VPS45: variants seen among roughly 807,000 people sequenced by gnomAD.
VPS45 encodes vacuolar protein sorting-associated protein 45.
Under a neutral mutation model 75.9 loss-of-function variants are expected in VPS45, and 35 were observed. That is an observed-to-expected ratio of 0.46 (90% CI 0.35 to 0.61). VPS45 has a LOEUF of 0.61. VPS45 is among the 20% of genes least tolerant of loss of function. The pLI is 0.00. For missense variants in VPS45, 559 were observed against 685.9 expected (o/e 0.81, Z 2.07); for synonymous variants, 220 against 238.2 (o/e 0.92, Z 0.70).
intron 9 of VPS45, 128 bp from the exon 10 acceptor site, chr1:150,082,586 TGG>T: frequency 9.0e-7 from 1 of 1,107,384 alleles, no homozygotes; most frequent in Non-Finnish European, 1.3e-6. Context: ...AAATGCCATG[TGG>T]CTGAAAGTTG....
intron 7 of VPS45, among the ~76,000 whole-genome samples, chr1:150,080,262 A>G (rs1571829587): frequency 6.6e-6 from 1 of 151,644 alleles, no homozygotes; most frequent in Middle Eastern, 3.4e-3. Flanking sequence ...TCCCTGCCTC[A>G]GCCTCCTGAG....
At chr1:150,136,542 C>T (rs1256853926) in intron 14 of VPS45, among the ~76,000 whole-genome samples, 3 of 151,620 alleles carry the variant, frequency 2.0e-5, no homozygotes, top group Non-Finnish European at 2.9e-5. Flanking sequence ...ACAACGAGAG[C>T]GAAACTCCAT....
At chr1:150,081,571 A>G in intron 8 of VPS45, 95 bp downstream of exon 8, 1 of 1,387,738 alleles carries the variant, frequency 7.2e-7, no homozygotes, top group South Asian at 1.3e-5. Context: ...ATGGGATTTC[A>G]TGTGAAAGGA....
chr1:150,143,921 G>A (rs781951522), intron 14 of VPS45, among the ~76,000 whole-genome samples: 77 of 152,064 alleles, frequency 5.1e-4, no homozygotes, highest in Admixed American at 1.0e-3. Flanking sequence ...GTTTGACAGG[G>A]CCGCATGCAT....
At position 150,081,919 on chromosome 1, in the gene VPS45, T is replaced by C; in HGVS notation, c.858T>C (p.Asn286=). The change falls in exon 9 of 15, where the codon AAT becomes AAC. Residue 286 remains asparagine (N), a synonymous_variant. Transcript: ENST00000644510. ...TGAACTTTGCTGAGATTGGTAGCAA[T>C]ATAAAGAATCTCATGGAAGATTTTC... ...MYLNFAEIGS[N]IKNLMEDFQK... The C allele has an allele frequency of 6.2e-7, 1 of 1,613,432 alleles. No homozygotes were observed. Among genetic ancestry groups the C allele is most frequent in the Non-Finnish European group, 8.5e-7 (1 of 1,179,690 alleles).
intron 10 of VPS45, among the ~76,000 whole-genome samples, chr1:150,084,351 T>G (rs1343383479): frequency 6.6e-6 from 1 of 151,964 alleles, no homozygotes; most frequent in Non-Finnish European, 1.5e-5. Context: ...TAAGGATGCT[T>G]TAGAGGTGAA....
At chr1:150,092,262 G>A (rs782558312) in intron 11 of VPS45, 40 bp from the exon 12 acceptor site, 37 of 1,589,460 alleles carry the variant, frequency 2.3e-5, no homozygotes, top group Non-Finnish European at 2.9e-5. Flanking sequence ...TGGGCTTCCT[G>A]ATGCCTAAGC....
At chr1:150,102,496 C>T (rs1328839213) in intron 13 of VPS45, among the ~76,000 whole-genome samples, 1 of 149,624 alleles carries the variant, frequency 6.7e-6, no homozygotes, top group Non-Finnish European at 1.5e-5. Context: ...TTGTGGTGAC[C>T]CAAGATTGTG....
chr1:150,123,635 G>A (rs2039800), intron 14 of VPS45, among the ~76,000 whole-genome samples: 39,202 of 152,010 alleles, frequency 0.26, 7,515 homozygotes, highest in African/African-American at 0.54. Context: ...TTCACAGGTC[G>A]ATCAATATTA....
Position 150,144,968 on chromosome 1 carries a change from C to T in VPS45, c.*172C>T. On this transcript the variant is annotated 3_prime_UTR_variant, in exon 15 of 15. Transcript: ENST00000644510. ...CAGACACAAGACTCCCAGAGTTGTCCTAACAATAAGTCTGAGCCCATCTCA... is the reference window on the plus strand; with the variant it reads ...CAGACACAAGACTCCCAGAGTTGTCTTAACAATAAGTCTGAGCCCATCTCA... 6.6e-7 allele frequency: 1 copy of T among 1,521,144 alleles called. No homozygotes were observed. The highest frequency in any genetic ancestry group is 1.4e-5 in the African/African-American group (1 of 72,784). 94.2% of individuals were successfully genotyped at this position (1,521,144 alleles called of 1,614,324 possible). A position where few individuals can be genotyped will look rare whatever the true frequency, so the allele number is the denominator to read the frequency against.
intron 14 of VPS45, among the ~76,000 whole-genome samples, chr1:150,120,341 T>C (rs1553809332): frequency 6.6e-6 from 1 of 152,202 alleles, no homozygotes; most frequent in Admixed American, 6.5e-5. Context: ...CAAGATCACT[T>C]TTACTGTAAA....
Position 150,144,932 on chromosome 1 carries a change from C to T in VPS45, c.*136C>T, listed in dbSNP as rs1472951346. ...CTCATCTCCAGGTAGCCCACGGATACGTGGTTGGCACAGACACAAGACTCC... is the reference window on the plus strand; with the variant it reads ...CTCATCTCCAGGTAGCCCACGGATATGTGGTTGGCACAGACACAAGACTCC... On this transcript the variant is annotated 3_prime_UTR_variant, in exon 15 of 15. Coordinates refer to ENST00000644510, the MANE Select transcript of VPS45 (RefSeq NM_007259.5). 9 of 1,543,112 alleles carry T rather than the reference C, an allele frequency of 5.8e-6. No homozygotes were observed. Among genetic ancestry groups the T allele is most frequent in the African/African-American group, 1.4e-5 (1 of 73,380 alleles).
At position 150,067,914 on chromosome 1, in the gene VPS45, G is replaced by C. The variant is rs1202625228; in HGVS notation, c.57G>C (p.Gly19=). The change falls in exon 1 of 15, where the codon GGG becomes GGC. Residue 19 remains glycine (G), a synonymous_variant. Coordinates refer to ENST00000644510, the MANE Select transcript of VPS45 (RefSeq NM_007259.5). ...QYISKMIEDS[G]PGMKVLLMDK... is the part of the protein sequence containing the mutation. ...TTTCCAAAATGATAGAGGACAGCGGGCCTGGTATGAAAGTACTTCTCATGG... is the reference window on the plus strand; with the variant it reads ...TTTCCAAAATGATAGAGGACAGCGGCCCTGGTATGAAAGTACTTCTCATGG... The C allele has an allele frequency of 1.2e-6, 2 of 1,614,090 alleles. No homozygotes were observed. The highest frequency in any genetic ancestry group is 2.2e-5 in the East Asian group (1 of 44,902).
chr1:150,112,184 A>G (rs1657684530), intron 14 of VPS45, among the ~76,000 whole-genome samples: 1 of 151,968 alleles, frequency 6.6e-6, no homozygotes. Flanking sequence ...AATTCTATTT[A>G]TATAAATAAG....
chr1:150,145,125 G>T lies in VPS45; in HGVS notation c.*329G>T. The T allele has an allele frequency of 1.8e-6, 1 of 552,534 alleles. No homozygotes were observed. The highest frequency in any genetic ancestry group is 1.9e-5 in the African/African-American group (1 of 53,468). The allele number at this position is 552,534 out of a possible 1,614,324, so 34.2% of individuals were successfully genotyped here. A position where few individuals can be genotyped will look rare whatever the true frequency, so the allele number is the denominator to read the frequency against. The stretch of plus-strand genomic sequence containing the variant: ...GGGGCTTAAAAAGTAATCATTTGAT[G>T]TACATACCACACTCCTTGGCTTCCT... On this transcript the variant is annotated 3_prime_UTR_variant, in exon 15 of 15. Coordinates refer to ENST00000644510, the MANE Select transcript of VPS45 (RefSeq NM_007259.5).
At chr1:150,106,673 T>C (rs781937760) in intron 13 of VPS45, among the ~76,000 whole-genome samples, 14 of 150,596 alleles carry the variant, frequency 9.3e-5, no homozygotes, top group Non-Finnish European at 1.8e-4. Flanking sequence ...TATTTTCAGC[T>C]TCTTCTCTGC....
chr1:150,082,036 G>C, intron 9 of VPS45, 39 bp downstream of exon 9: 1 of 1,308,686 alleles, frequency 7.6e-7, no homozygotes, highest in African/African-American at 1.5e-5. Flanking sequence ...ACATGTGACA[G>C]TTTGGTACTA....
At position 150,145,165 on chromosome 1, in the gene VPS45, C is replaced by T. The variant is rs1057212654; in HGVS notation, c.*369C>T. 6 of 412,708 alleles carry T rather than the reference C, an allele frequency of 1.5e-5. No individual in the cohort carries two copies. The highest frequency in any genetic ancestry group is 7.9e-5 in the African/African-American group (4 of 50,904). The allele number at this position is 412,708 out of a possible 1,614,324, so 25.6% of individuals were successfully genotyped here. A position where few individuals can be genotyped will look rare whatever the true frequency, so the allele number is the denominator to read the frequency against. On this transcript the variant is annotated 3_prime_UTR_variant, in exon 15 of 15. Transcript: ENST00000644510. ...CTTGGCTTCCTTTCTCTTCCCTTAACCCTTTCTGCTTTTCATTAACCACAT... is the reference window on the plus strand; with the variant it reads ...CTTGGCTTCCTTTCTCTTCCCTTAATCCTTTCTGCTTTTCATTAACCACAT...
At chr1:150,124,267 T>C (rs1299881328) in intron 14 of VPS45, among the ~76,000 whole-genome samples, 1 of 152,076 alleles carries the variant, frequency 6.6e-6, no homozygotes, top group Non-Finnish European at 1.5e-5. Flanking sequence ...AAGACCAGCC[T>C]GGCCAACGTA....
Sources: gnomAD v4.1 joint callset for allele counts (sites outside exome capture counted in the v4.1 genomes callset) on GRCh38, gnomAD v4.1.1 for gene constraint, MANE v1.5 for transcripts, NCBI Gene and HGNC (gene_info 2026-07-23, HGNC 2026-07-21) for gene names.